DLC1: variants seen among roughly 807,000 people sequenced by gnomAD.
DLC1 encodes rho GTPase-activating protein 7.
Under a neutral mutation model 140.3 loss-of-function variants are expected in DLC1, and 54 were observed. The observed-to-expected ratio is 0.38, with a 90% confidence interval of 0.31 to 0.48. The LOEUF is 0.48. DLC1 is among the 20% of genes least tolerant of loss of function. The pLI is 0.96. For missense variants in DLC1, 2,536 were observed against 1,907.0 expected (o/e 1.33, Z -6.14); for synonymous variants, 986 against 728.1 (o/e 1.35, Z -5.70).
intron 2 of DLC1, among the ~76,000 whole-genome samples, chr8:13,445,066 A>T (rs1345896119): frequency 6.6e-6 from 1 of 152,112 alleles, no homozygotes; most frequent in African/African-American, 2.4e-5. Flanking sequence ...GCAGAGAGAC[A>T]CAGCAGGGGA....
intron 1 of DLC1, among the ~76,000 whole-genome samples, chr8:13,599,900 A>G (rs946357847): frequency 3.9e-5 from 6 of 151,998 alleles, no homozygotes; most frequent in African/African-American, 1.4e-4. Context: ...TCTCAAACTT[A>G]CTATATATGT....
intron 2 of DLC1, among the ~76,000 whole-genome samples, chr8:13,493,122 T>C (rs879525572): frequency 6.6e-6 from 1 of 152,140 alleles, no homozygotes; most frequent in Admixed American, 6.5e-5. Flanking sequence ...GAAACAAGTG[T>C]CAAAACAAGG....
intron 2 of DLC1, among the ~76,000 whole-genome samples, chr8:13,467,812 T>C (rs1800008754): frequency 6.6e-6 from 1 of 152,228 alleles, no homozygotes; most frequent in Non-Finnish European, 1.5e-5. Context: ...AATTTTTTTC[T>C]CCTTTCATCT....
At chr8:13,457,404 C>T (rs541597694) in intron 2 of DLC1, among the ~76,000 whole-genome samples, 1 of 152,148 alleles carries the variant, frequency 6.6e-6, no homozygotes, top group South Asian at 2.1e-4. Context: ...TGTTGCTGGG[C>T]ACGGTGGCTC....
chr8:13,380,400 G>A (rs577046471), intron 4 of DLC1, among the ~76,000 whole-genome samples: 6 of 152,268 alleles, frequency 3.9e-5, no homozygotes, highest in African/African-American at 1.4e-4. Context: ...ACCATTTCAT[G>A]TGTTCTAATT....
At chr8:13,426,923 G>C (rs573919509) in intron 2 of DLC1, among the ~76,000 whole-genome samples, 1 of 152,028 alleles carries the variant, frequency 6.6e-6, no homozygotes, top group South Asian at 2.1e-4. Flanking sequence ...GTCATATCAC[G>C]AGTTTTTGTT....
At chr8:13,577,968 A>G (rs1305088271) in intron 1 of DLC1, among the ~76,000 whole-genome samples, 1 of 152,092 alleles carries the variant, frequency 6.6e-6, no homozygotes, top group African/African-American at 2.4e-5. Context: ...GGAAGCATGA[A>G]TGTTTATTCC....
At chr8:13,597,112 T>C (rs567055731) in intron 1 of DLC1, among the ~76,000 whole-genome samples, 100 of 152,132 alleles carry the variant, frequency 6.6e-4, no homozygotes, top group African/African-American at 2.3e-3. Context: ...TGACTGGCCA[T>C]ATATTTAATG....
At chr8:13,103,944 T>C (rs1819333079) in intron 7 of DLC1, among the ~76,000 whole-genome samples, 1 of 152,076 alleles carries the variant, frequency 6.6e-6, no homozygotes, top group Non-Finnish European at 1.5e-5. Flanking sequence ...AGTAGAGTTT[T>C]TGGCAAAATA....
intron 5 of DLC1, among the ~76,000 whole-genome samples, chr8:13,133,840 C>A (rs73208918): frequency 0.074 from 11,271 of 152,054 alleles, 559 homozygotes; most frequent in African/African-American, 0.14. Context: ...GTCAGTGTTT[C>A]CAGATCTGTA....
chr8:13,531,658 G>C (rs901317380), intron 1 of DLC1, among the ~76,000 whole-genome samples: 1 of 152,042 alleles, frequency 6.6e-6, no homozygotes, highest in Non-Finnish European at 1.5e-5. Context: ...ATTAATAATA[G>C]GTGGAATTTG....
chr8:13,443,455 C>G (rs770373745), intron 2 of DLC1, among the ~76,000 whole-genome samples: 2 of 150,870 alleles, frequency 1.3e-5, no homozygotes, highest in Non-Finnish European at 2.9e-5. Flanking sequence ...GTCAGGAGAT[C>G]GAGACCATCC....
chr8:13,327,159 G>T (rs920488639), intron 4 of DLC1, among the ~76,000 whole-genome samples: 2 of 108,676 alleles, frequency 1.8e-5, no homozygotes, highest in Admixed American at 1.3e-4. Context: ...ATTTTTAGCA[G>T]AGACGGGGTT....
intron 13 of DLC1, among the ~76,000 whole-genome samples, chr8:13,092,106 G>C (rs185464185): frequency 6.6e-6 from 1 of 152,122 alleles, no homozygotes. Context: ...TTAGCTGGGC[G>C]TGGTGGCAGG....
intron 4 of DLC1, among the ~76,000 whole-genome samples, chr8:13,352,405 C>T (rs561700031): frequency 8.5e-5 from 13 of 152,146 alleles, no homozygotes; most frequent in African/African-American, 2.4e-4. Flanking sequence ...TCTCTTGAGA[C>T]AGGGTCTTGC....
intron 1 of DLC1, among the ~76,000 whole-genome samples, chr8:13,557,473 C>G (rs1460858286): frequency 6.6e-6 from 1 of 152,104 alleles, no homozygotes; most frequent in Non-Finnish European, 1.5e-5. Context: ...TTGTCCCTAC[C>G]CAAATCTCAT....
chr8:13,143,840 G>GAGAGAGAGAGAGAGAGAGAGAGAGAGAC (rs1554584099), intron 5 of DLC1, among the ~76,000 whole-genome samples: 1 of 145,492 alleles, frequency 6.9e-6, no homozygotes, highest in Non-Finnish European at 1.5e-5. Flanking sequence ...GAGAGAGAGA[G>GAGAGAGAGAGAGAGAGAGAGAGAGAGAC]AGAGAGAGAG....
chr8:13,305,166 C>T, intron 5 of DLC1, 103 bp downstream of exon 5: 1 of 1,471,174 alleles, frequency 6.8e-7, no homozygotes, highest in Non-Finnish European at 9.0e-7. Flanking sequence ...CCCATATATT[C>T]ATGAGATGTA....
chr8:13,149,150 A>C (rs1823636889), intron 5 of DLC1, among the ~76,000 whole-genome samples: 1 of 152,170 alleles, frequency 6.6e-6, no homozygotes, highest in Non-Finnish European at 1.5e-5. Flanking sequence ...AAAATACAGA[A>C]GGCACAATCT....
Sources: gnomAD v4.1 joint callset for allele counts (sites outside exome capture counted in the v4.1 genomes callset) on GRCh38, gnomAD v4.1.1 for gene constraint, MANE v1.5 for transcripts, NCBI Gene and HGNC (gene_info 2026-07-23, HGNC 2026-07-21) for gene names.